The following FADS2 variants were observed in gnomAD, a reference collection of about 807,000 sequenced individuals.
FADS2 encodes the protein acyl-CoA 6-desaturase.
FADS2 carries 18 observed loss-of-function variants against 61.2 expected under a neutral mutation model. That is an observed-to-expected ratio of 0.29 (90% CI 0.20 to 0.44). The LOEUF (loss-of-function observed/expected upper bound fraction) is 0.44. Ranked by LOEUF, FADS2 falls within the 20% of genes least tolerant of loss-of-function variation. FADS2 has a pLI of 1.00. For synonymous variants in FADS2, 203 were observed against 223.9 expected (o/e 0.91, Z 0.83); for missense variants, 322 against 572.7 (o/e 0.56, Z 4.47).
intron 7 of FADS2, among the ~76,000 whole-genome samples, chr11:61,861,153 G>A (rs2067410645): frequency 6.6e-6 from 1 of 151,890 alleles, no homozygotes; most frequent in South Asian, 2.1e-4. Context: ...AGGAGATCGA[G>A]ACCATCCTGG....
At chr11:61,863,178 T>A in intron 8 of FADS2, 104 bp from the exon 9 acceptor site, 1 of 1,425,328 alleles carries the variant, frequency 7.0e-7, no homozygotes, top group Non-Finnish European at 9.9e-7. Context: ...CCTCCCATCC[T>A]GGCCCCTTGG....
intron 5 of FADS2, chr11:61,854,990 C>T (rs1254451107): frequency 6.6e-6 from 1 of 152,288 alleles, no homozygotes; most frequent in Non-Finnish European, 1.5e-5. Flanking sequence ...GCAGTGCTTA[C>T]CAGCAGAGGC....
intron 1 of FADS2, chr11:61,821,579 G>A: frequency 3.4e-6 from 2 of 594,194 alleles, no homozygotes; most frequent in South Asian, 2.1e-5. Context: ...TACCGGTTGT[G>A]CTCAGCCTCT....
intron 7 of FADS2, among the ~76,000 whole-genome samples, chr11:61,860,735 CATGGG>C (rs2135978752): frequency 1.3e-5 from 2 of 152,084 alleles, no homozygotes; most frequent in East Asian, 3.9e-4. Flanking sequence ...GCCTGAGCAA[CATGGG>C]CGAAACCCTG....
Position 61,837,789 on chromosome 11 carries a change from C to T in FADS2, c.219C>T (p.Arg73=), listed in dbSNP as rs545952540. Residue 73 remains arginine (R), a synonymous_variant, in exon 2 of 12, where the codon CGC becomes CGT. Transcript: ENST00000278840. ...YAGEDATDAF[R]AFHPDLEFVG... Reference sequence around the variant, plus strand: ...CCTCTGCTCTCCAGGATGCCTTCCGCGCCTTCCACCCTGACCTGGAATTCG... The same window carrying T: ...CCTCTGCTCTCCAGGATGCCTTCCGTGCCTTCCACCCTGACCTGGAATTCG... 84 of 1,611,752 alleles carry T rather than the reference C, an allele frequency of 5.2e-5. No homozygotes were observed. Among genetic ancestry groups the T allele is most frequent in the Admixed American group, 1.2e-4 (7 of 59,808 alleles).
chr11:61,818,697 C>T (rs371564369), intron 1 of FADS2, among the ~76,000 whole-genome samples: 2 of 152,042 alleles, frequency 1.3e-5, no homozygotes, highest in African/African-American at 4.8e-5. Flanking sequence ...AGTATGGGTT[C>T]GCTGATTACA....
chr11:61,863,388 TCAGGGCCGGTCAC>T lies in FADS2; in HGVS notation c.1077+14_1077+26del. 1.3e-6 allele frequency: 2 copies of T among 1,585,962 alleles called. No homozygotes were observed. The highest frequency in any genetic ancestry group is 1.7e-6 in the Non-Finnish European group (2 of 1,154,592). ...CTGGTTCAGTAGCCAGGTAGGGAAGTCAGGGCCGGTCACCAGAGCCTGGTCCCAATGTCCATGT... is the reference window on the plus strand; with the variant it reads ...CTGGTTCAGTAGCCAGGTAGGGAAGTCAGAGCCTGGTCCCAATGTCCATGT... On this transcript the variant is annotated intron_variant, in intron 9 of 11. Transcript: ENST00000278840.
chr11:61,852,321 C>G (rs563354088), intron 5 of FADS2, among the ~76,000 whole-genome samples: 1 of 152,172 alleles, frequency 6.6e-6, no homozygotes, highest in Admixed American at 6.6e-5. Flanking sequence ...AGCGTAGTGG[C>G]GCAATCTCGG....
At chr11:61,825,313 T>G (rs550736017), upstream of FADS2, among the ~76,000 whole-genome samples, 1 of 151,752 alleles carries the variant, frequency 6.6e-6, no homozygotes, top group East Asian at 2.0e-4. Context: ...GCGGTCTTGA[T>G]TCTACCTCCA....
At chr11:61,852,536 C>A (rs2067316315) in intron 5 of FADS2, among the ~76,000 whole-genome samples, 1 of 152,168 alleles carries the variant, frequency 6.6e-6, no homozygotes. Flanking sequence ...GCTGGGATTA[C>A]AGGCATGAGC....
At chr11:61,848,655 G>C (rs2067281117) in intron 5 of FADS2, 1 of 185,802 alleles carries the variant, frequency 5.4e-6, no homozygotes, top group Non-Finnish European at 1.1e-5. Context: ...GCCAGGAAGG[G>C]CATTTTCTGG....
Position 61,828,308 on chromosome 11 carries a change from C to T in FADS2, c.-83C>T. On this transcript the variant is annotated 5_prime_UTR_variant, in exon 1 of 12. Transcript: ENST00000278840. This position sits in a 1 kb window ranked among gnomAD's most constrained non-coding sequence, Gnocchi z 6.4. ...GCGAAGAGGGCCCGGGCTGCACACACCGGCTGGGAGGCAGCCGTCTGTGCA... is the reference window on the plus strand; with the variant it reads ...GCGAAGAGGGCCCGGGCTGCACACATCGGCTGGGAGGCAGCCGTCTGTGCA... 2 of 1,517,190 alleles carry T rather than the reference C, an allele frequency of 1.3e-6. No individual in the cohort carries two copies. Among genetic ancestry groups the T allele is most frequent in the Non-Finnish European group, 1.8e-6 (2 of 1,133,102 alleles). The allele number at this position is 1,517,190 out of a possible 1,614,324, so 94.0% of individuals were successfully genotyped here.
In FADS2 at chr11:61,860,645, T is replaced by C. The variant is rs2067405671; in HGVS notation, c.883-2327T>C. Among the ~76,000 whole-genome samples the C allele has an allele frequency of 2.0e-5, 3 of 152,212 alleles. No homozygotes were observed. In the South Asian group the frequency reaches 6.2e-4, roughly 31 times the overall value. On this transcript the variant is annotated intron_variant, in intron 7 of 11. Transcript: ENST00000278840. The stretch of plus-strand genomic sequence containing the variant: ...ACTCAAAAGAAGTCCAGGCCAGGCA[T>C]GGTGGCTCACGCCTGTGATCTCAGC...
At chr11:61,826,871 G>C (rs2067090522), upstream of FADS2, among the ~76,000 whole-genome samples, 1 of 152,144 alleles carries the variant, frequency 6.6e-6, no homozygotes, top group Admixed American at 6.5e-5. Context: ...ATTGGGCAGG[G>C]CCCGTTTGAC....
intron 1 of FADS2, among the ~76,000 whole-genome samples, chr11:61,832,399 G>A (rs2135955857): frequency 6.6e-6 from 1 of 152,358 alleles, no homozygotes; most frequent in East Asian, 1.9e-4. Context: ...CCCCAGCTGA[G>A]ATCTGGGTGG....
Position 61,865,698 on chromosome 11 carries a change from C to A in FADS2, c.*9C>A, listed in dbSNP as rs369433268. On this transcript the variant is annotated 3_prime_UTR_variant, in exon 12 of 12. Coordinates refer to ENST00000278840, the MANE Select transcript of FADS2 (RefSeq NM_004265.4). This position sits in a 1 kb window ranked among gnomAD's most constrained non-coding sequence, Gnocchi z 4.1. ...CCTACCTTCACAAATGAAGCCACAGCCCCCGGGACACCGTGGGGAAGGGGT... is the reference window on the plus strand; with the variant it reads ...CCTACCTTCACAAATGAAGCCACAGACCCCGGGACACCGTGGGGAAGGGGT... 1 of 1,607,428 alleles carries A rather than the reference C, an allele frequency of 6.2e-7. No individual in the cohort carries two copies. Among genetic ancestry groups the A allele is most frequent in the Admixed American group, 1.7e-5 (1 of 59,650 alleles).
rs1416906091 is a variant in FADS2 at position 61,840,491 on chromosome 11, T to C, written c.476T>C (p.Ile159Thr). The change falls in exon 3 of 12, where the codon ATT (isoleucine) becomes ACT (threonine). Residue 159 changes from isoleucine (I) to threonine (T), a missense_variant. By Grantham distance (89) the Ile-to-Thr change is moderately conservative (BLOSUM62 -1). Transcript: ENST00000278840. ...GTCTTTTACTTTGGCAATGGCTGGA[T>C]TCCTACCCTCATCACGGCCTTTGTC... ...FTVFYFGNGWIPTLITAFVLA... is the reference protein window; with the variant it reads ...FTVFYFGNGWTPTLITAFVLA... The C allele has an allele frequency of 6.2e-7, 1 of 1,614,096 alleles. No homozygotes were observed.
At chr11:61,848,546 C>T in intron 5 of FADS2, 1 of 520,918 alleles carries the variant, frequency 1.9e-6, no homozygotes, top group Non-Finnish European at 3.5e-6. Flanking sequence ...TCCTAGGTAC[C>T]CTGAATTGTT....
intron 7 of FADS2, among the ~76,000 whole-genome samples, chr11:61,860,213 G>A (rs766951995): frequency 2.6e-5 from 4 of 152,202 alleles, no homozygotes; most frequent in Non-Finnish European, 5.9e-5. Flanking sequence ...TAGCCAGGAT[G>A]GTGCTTAGCA....
Sources: gnomAD v4.1 joint callset for allele counts (sites outside exome capture counted in the v4.1 genomes callset) on GRCh38, gnomAD v4.1.1 for gene constraint, Gnocchi (gnomAD v3.1) non-coding constraint, MANE v1.5 for transcripts, NCBI Gene and HGNC (gene_info 2026-07-23, HGNC 2026-07-21) for gene names.